Variants in CNTN5 observed in about 807,000 individuals in gnomAD.
The protein encoded by CNTN5 is contactin 5, also known as contactin-5.
In CNTN5, 77 loss-of-function variants were observed where a neutral mutation model predicts 129.1. The observed-to-expected ratio is 0.60, with a 90% confidence interval of 0.50 to 0.72. The LOEUF is 0.72. Ranked by LOEUF, CNTN5 falls within the 30% of genes least tolerant of loss-of-function variation. CNTN5 has a pLI of 0.00. For synonymous variants in CNTN5, 509 were observed against 465.6 expected (o/e 1.09, Z -1.20); for missense variants, 1,478 against 1,328.8 (o/e 1.11, Z -1.75).
chr11:99,299,314 T>A (rs1864522665), intron 1 of CNTN5, among the ~76,000 whole-genome samples: 1 of 152,068 alleles, frequency 6.6e-6, no homozygotes, highest in African/African-American at 2.4e-5. Flanking sequence ...ATGATAACAG[T>A]GTCTCAACAA....
intron 8 of CNTN5, among the ~76,000 whole-genome samples, chr11:99,972,927 G>A (rs999262599): frequency 6.6e-6 from 1 of 151,212 alleles, no homozygotes. Context: ...ACAGTAAAAT[G>A]TACTGAGTGT....
chr11:100,357,126 T>A lies in CNTN5; in HGVS notation c.*906T>A, dbSNP rs1183025483. 1 of 151,756 alleles carries A rather than the reference T, an allele frequency of 6.6e-6. No homozygotes were observed. Among genetic ancestry groups the A allele is most frequent in the Non-Finnish European group, 1.5e-5 (1 of 67,776 alleles). 9.4% of individuals were successfully genotyped at this position (151,756 alleles called of 1,614,324 possible). A position where few individuals can be genotyped will look rare whatever the true frequency, so the allele number is the denominator to read the frequency against. On this transcript the variant is annotated 3_prime_UTR_variant, in exon 25 of 25. Transcript: ENST00000524871. ...AGATGTTGAATTAGGTCCAAGGTTT[T>A]CTTCTAATTGCAAAATTTTGCAAAA...
chr11:100,136,752 G>T (rs12099287), intron 13 of CNTN5, among the ~76,000 whole-genome samples: 14,547 of 147,674 alleles, frequency 0.099, 692 homozygotes, highest in South Asian at 0.11. Flanking sequence ...GTTATAAAGA[G>T]AATGAAAATA....
chr11:99,172,247 T>G (rs1861181773), intron 1 of CNTN5, among the ~76,000 whole-genome samples: 1 of 152,174 alleles, frequency 6.6e-6, no homozygotes, highest in Non-Finnish European at 1.5e-5. Flanking sequence ...AATCTCTGAG[T>G]AACTGCAAAA....
chr11:99,371,976 G>A (rs889221124), intron 2 of CNTN5, among the ~76,000 whole-genome samples: 1 of 152,212 alleles, frequency 6.6e-6, no homozygotes, highest in Admixed American at 6.5e-5. Flanking sequence ...TGCTGTAAGT[G>A]AGGATGAGAC....
At chr11:100,009,160 C>A (rs1404544695) in intron 9 of CNTN5, among the ~76,000 whole-genome samples, 1 of 152,106 alleles carries the variant, frequency 6.6e-6, no homozygotes, top group Non-Finnish European at 1.5e-5. Context: ...CCATAAGCTG[C>A]AAGCTTTCTC....
chr11:100,199,739 A>G (rs138873233), intron 15 of CNTN5, among the ~76,000 whole-genome samples: 51 of 152,066 alleles, frequency 3.4e-4, no homozygotes, highest in African/African-American at 1.2e-3. Flanking sequence ...TTTGTTTCAT[A>G]TAGTTTATGA....
At chr11:99,676,944 A>C (rs1953313740) in intron 3 of CNTN5, among the ~76,000 whole-genome samples, 1 of 152,172 alleles carries the variant, frequency 6.6e-6, no homozygotes, top group Non-Finnish European at 1.5e-5. Flanking sequence ...GGGTGTTGCT[A>C]GGTTATTAAA....
At chr11:99,697,228 A>G (rs1172419005) in intron 3 of CNTN5, among the ~76,000 whole-genome samples, 2 of 152,024 alleles carry the variant, frequency 1.3e-5, no homozygotes, top group South Asian at 2.1e-4. Context: ...GAAATACAAC[A>G]TAACTCTTCT....
chr11:99,938,505 G>A (rs909293199), intron 7 of CNTN5, among the ~76,000 whole-genome samples: 3 of 152,024 alleles, frequency 2.0e-5, no homozygotes, highest in Non-Finnish European at 4.4e-5. Flanking sequence ...GCACATAATG[G>A]GAAGTACAAG....
At chr11:99,964,037 A>G (rs1158124507) in intron 8 of CNTN5, among the ~76,000 whole-genome samples, 1 of 152,184 alleles carries the variant, frequency 6.6e-6, no homozygotes. Flanking sequence ...GAAGTTGCTT[A>G]TCAGCTTAAG....
At chr11:99,041,478 T>G (rs1863981525) in intron 1 of CNTN5, among the ~76,000 whole-genome samples, 2 of 152,212 alleles carry the variant, frequency 1.3e-5, no homozygotes, top group Non-Finnish European at 2.9e-5. Flanking sequence ...CTGTGTTCAC[T>G]GAAAACAATT....
chr11:99,293,325 C>T (rs924201564), intron 1 of CNTN5, among the ~76,000 whole-genome samples: 2 of 152,020 alleles, frequency 1.3e-5, no homozygotes, highest in African/African-American at 4.8e-5. Context: ...GCTGAATTCA[C>T]TTTTATAGTA....
chr11:99,674,828 T>C (rs1008348802), intron 3 of CNTN5, among the ~76,000 whole-genome samples: 1 of 152,158 alleles, frequency 6.6e-6, no homozygotes, highest in East Asian at 1.9e-4. Context: ...GCTTTGAACC[T>C]CTGAAACCAA....
intron 2 of CNTN5, among the ~76,000 whole-genome samples, chr11:99,478,663 G>T (rs747066068): frequency 3.3e-5 from 5 of 151,936 alleles, no homozygotes; most frequent in Admixed American, 2.6e-4. Flanking sequence ...TTTTGAGATG[G>T]TTGTTAAACC....
intron 1 of CNTN5, among the ~76,000 whole-genome samples, chr11:99,081,370 G>A (rs977306788): frequency 4.9e-4 from 75 of 152,290 alleles, no homozygotes; most frequent in African/African-American, 1.8e-3. Context: ...AGGCAGATGT[G>A]TAGAAAACAT....
chr11:99,601,929 C>A (rs1481706455), intron 3 of CNTN5, among the ~76,000 whole-genome samples: 1 of 152,196 alleles, frequency 6.6e-6, no homozygotes, highest in African/African-American at 2.4e-5. Flanking sequence ...ACTTTACACA[C>A]TAGCTTATAT....
chr11:100,142,494 A>G (rs552063251), intron 13 of CNTN5, among the ~76,000 whole-genome samples: 1 of 152,320 alleles, frequency 6.6e-6, no homozygotes, highest in Admixed American at 6.5e-5. Flanking sequence ...TTCTATATGA[A>G]ACTACAAATA....
At chr11:100,342,289 A>C (rs961564057) in intron 23 of CNTN5, among the ~76,000 whole-genome samples, 9 of 152,004 alleles carry the variant, frequency 5.9e-5, no homozygotes, top group Admixed American at 6.6e-5. Context: ...ACCCTTCCCC[A>C]AAAGACCATA....
Sources: allele counts gnomAD v4.1 joint callset (sites outside exome capture counted in the v4.1 genomes callset), GRCh38; gene constraint gnomAD v4.1.1; transcripts MANE v1.5; gene names NCBI Gene and HGNC (gene_info 2026-07-23, HGNC 2026-07-21).